Variants in ETV7 observed in about 807,000 individuals in gnomAD.
The protein encoded by ETV7 is transcription factor ETV7.
In ETV7, 43 loss-of-function variants were observed where a neutral mutation model predicts 39.1. The ratio of observed to expected loss-of-function variants is 1.10; its 90% CI spans 0.86 to 1.42. The LOEUF (loss-of-function observed/expected upper bound fraction) is 1.42. Among genes scored for constraint, ETV7 ranks in the 40% most tolerant of loss-of-function variants. The probability of loss-of-function intolerance (pLI) is 0.00; values close to 1 mark genes in which losing one functional copy is unlikely to be tolerated. For synonymous variants in ETV7, 196 were observed against 176.6 expected (o/e 1.11, Z -0.87); for missense variants, 432 against 442.3 (o/e 0.98, Z 0.21).
chr6:36,363,362 G>A (rs1269628835), downstream of ETV7, among the ~76,000 whole-genome samples: 1 of 152,050 alleles, frequency 6.6e-6, no homozygotes, highest in Non-Finnish European at 1.5e-5. Context: ...CACCGCGTCT[G>A]GAGTCGTTCG....
At chr6:36,383,975 G>C (rs1773774832) in intron 2 of ETV7, among the ~76,000 whole-genome samples, 1 of 152,156 alleles carries the variant, frequency 6.6e-6, no homozygotes, top group African/African-American at 2.4e-5. Flanking sequence ...CAGTGTACAG[G>C]GTAACTTGGA....
chr6:36,362,487 GAC>G (rs1772526650), downstream of ETV7, among the ~76,000 whole-genome samples: 1 of 132,048 alleles, frequency 7.6e-6, no homozygotes, highest in Non-Finnish European at 1.5e-5. Flanking sequence ...AGTTCACTTT[GAC>G]ACATGAAATT....
At chr6:36,371,259 C>T in intron 5 of ETV7, 71 bp downstream of exon 5, 1 of 1,421,004 alleles carries the variant, frequency 7.0e-7, no homozygotes, top group Non-Finnish European at 9.7e-7. Flanking sequence ...TAGCCCTGTC[C>T]TCATCACTCG....
chr6:36,365,231 G>A (rs1244948748), downstream of ETV7, among the ~76,000 whole-genome samples: 1 of 152,214 alleles, frequency 6.6e-6, no homozygotes, highest in Non-Finnish European at 1.5e-5. Context: ...AAGGGCAGAG[G>A]CTCTGGCCCT....
At chr6:36,370,232 G>T (rs757294443) in intron 5 of ETV7, among the ~76,000 whole-genome samples, 2 of 152,120 alleles carry the variant, frequency 1.3e-5, no homozygotes. Context: ...AAGAGCCAGG[G>T]TGGAAAAAAC....
intron 3 of ETV7, among the ~76,000 whole-genome samples, chr6:36,375,547 T>G (rs756489686): frequency 3.9e-5 from 6 of 152,046 alleles, no homozygotes; most frequent in Non-Finnish European, 7.4e-5. Context: ...TTTTGTTCAG[T>G]AGGGGTAGCG....
At chr6:36,386,171 T>C (rs563992329) in intron 1 of ETV7, among the ~76,000 whole-genome samples, 56 of 151,876 alleles carry the variant, frequency 3.7e-4, no homozygotes, top group African/African-American at 1.2e-3. Flanking sequence ...CTACGAAAAA[T>C]ACAAAAATTA....
At chr6:36,360,096 T>A (rs972646475) in intron 7 of ETV7, among the ~76,000 whole-genome samples, 1 of 152,196 alleles carries the variant, frequency 6.6e-6, no homozygotes, top group Non-Finnish European at 1.5e-5. Flanking sequence ...TTTCACCATG[T>A]TGGCCAGGAT....
chr6:36,364,396 C>T (rs929617125), downstream of ETV7, among the ~76,000 whole-genome samples: 3 of 152,212 alleles, frequency 2.0e-5, no homozygotes, highest in Non-Finnish European at 2.9e-5. Flanking sequence ...AGCTAAGGCC[C>T]GGTGAGAAAT....
chr6:36,356,729 A>T (rs970676578), intron 7 of ETV7, among the ~76,000 whole-genome samples: 1 of 152,238 alleles, frequency 6.6e-6, no homozygotes, highest in Admixed American at 6.5e-5. Context: ...GGACACTGTG[A>T]TGGAGTAGGA....
In ETV7 at chr6:36,366,758, G is replaced by C. The variant is rs978863604; in HGVS notation, c.913C>G (p.Leu305Val). 1 of 1,613,846 alleles carries C rather than the reference G, an allele frequency of 6.2e-7. No individual in the cohort carries two copies. Among genetic ancestry groups the C allele is most frequent in the African/African-American group, 1.3e-5 (1 of 74,840 alleles). The change falls in exon 8 of 8, where the codon CTA becomes GTA. Residue 305 changes from leucine to valine, a missense_variant. Leu to Val is a conservative substitution (Grantham distance 32). Coordinates refer to ENST00000340181, the MANE Select transcript of ETV7 (RefSeq NM_016135.4). Reference sequence around the variant, plus strand: ...TGGACCATCTTTCCCGGAGTCTTTAGAAATCTAGAATTCAGGCCCCAACTG... The same window carrying C: ...TGGACCATCTTTCCCGGAGTCTTTACAAATCTAGAATTCAGGCCCCAACTG... ...EPGQKLLFRF[L>V]KTPGKMVQDK... is the part of the protein sequence containing the mutation.
At chr6:36,376,164 C>T in intron 2 of ETV7, 129 bp from the exon 3 acceptor site, 1 of 750,802 alleles carries the variant, frequency 1.3e-6, no homozygotes, top group South Asian at 1.9e-5. Context: ...CTGTCGCTGC[C>T]ACCTGTTTCT....
At chr6:36,361,318 C>T (rs1191197096), downstream of ETV7, among the ~76,000 whole-genome samples, 2 of 152,238 alleles carry the variant, frequency 1.3e-5, no homozygotes, top group Non-Finnish European at 2.9e-5. Context: ...TCCCTCTGAG[C>T]TCACACTGCC....
At position 36,369,010 on chromosome 6, in the gene ETV7, G is replaced by T; in HGVS notation, c.726C>A (p.Tyr242Ter). ...TGGCGTCCTTGTCTTCCCACTTGAT[G>T]TAGGGCTCATATCGGGTATCAAGGA... Reference protein sequence around the residue: ...QLLLDTRYEPYIKWEDKDAKI... With the variant: ...QLLLDTRYEP Residue 242 changes from tyrosine (Y) to a stop codon, truncating the protein, a stop_gained, in exon 6 of 8, where the codon TAC becomes TAA. Coordinates refer to ENST00000340181, the MANE Select transcript of ETV7 (RefSeq NM_016135.4). LOFTEE classifies it high-confidence loss of function. 1.2e-6 allele frequency: 2 copies of T among 1,614,192 alleles called. No individual in the cohort carries two copies. Among genetic ancestry groups the T allele is most frequent in the Non-Finnish European group, 1.7e-6 (2 of 1,180,036 alleles).
chr6:36,366,238 CTG>C lies in ETV7; in HGVS notation c.*405_*406del. ...TTGTTACTGAGGCTGTCAGTGCCGC[CTG>C]GAAGCACTAACACTTTTTCCCATTT... On this transcript the variant is annotated 3_prime_UTR_variant, in exon 8 of 8. Transcript: ENST00000340181. The C allele has an allele frequency of 4.8e-6, 5 of 1,033,024 alleles. No homozygotes were observed. The South Asian group carries it at 1.2e-4, about 24-fold the overall frequency. The allele number at this position is 1,033,024 out of a possible 1,614,324, so 64.0% of individuals were successfully genotyped here.
chr6:36,354,558 T>C (rs1772289835), exon 8 of ETV7: 2 of 673,562 alleles, frequency 3.0e-6, no homozygotes, highest in African/African-American at 1.8e-5. Flanking sequence ...TTGAGTACTA[T>C]AGCTTTGTAG....
At chr6:36,371,594 G>A (rs760052804) in intron 4 of ETV7, 34 bp from the exon 5 acceptor site, 6 of 1,532,846 alleles carry the variant, frequency 3.9e-6, no homozygotes, top group Admixed American at 1.9e-5. Context: ...GTAGCAGGCA[G>A]TGGGCCCCAA....
downstream of ETV7, among the ~76,000 whole-genome samples, chr6:36,365,868 T>C (rs1415271899): frequency 6.6e-6 from 1 of 152,084 alleles, no homozygotes; most frequent in Non-Finnish European, 1.5e-5. Context: ...GCCTGGCACA[T>C]AGCAAACACT....
intron 6 of ETV7, among the ~76,000 whole-genome samples, chr6:36,368,079 G>A (rs1772818434): frequency 6.6e-6 from 1 of 152,136 alleles, no homozygotes; most frequent in Non-Finnish European, 1.5e-5. Context: ...ATAATATAGT[G>A]CAGCACATGG....
Sources: gnomAD v4.1 joint callset for allele counts (sites outside exome capture counted in the v4.1 genomes callset) on GRCh38, gnomAD v4.1.1 for gene constraint, MANE v1.5 for transcripts, NCBI Gene and HGNC (gene_info 2026-07-23, HGNC 2026-07-21) for gene names.